CDCP1: variants seen among roughly 807,000 people sequenced by gnomAD.
The protein encoded by CDCP1 is CUB domain containing protein 1.
In CDCP1, 29 loss-of-function variants were observed where a neutral mutation model predicts 60.2. The ratio of observed to expected loss-of-function variants is 0.48; its 90% CI spans 0.36 to 0.66. The LOEUF is 0.66. CDCP1 is among the 30% of genes least tolerant of loss of function. The probability of loss-of-function intolerance (pLI) is 0.00; values close to 1 mark genes in which losing one functional copy is unlikely to be tolerated. For synonymous variants in CDCP1, 387 were observed against 431.1 expected (o/e 0.90, Z 1.27); for missense variants, 876 against 1,074.3 (o/e 0.82, Z 2.58).
In CDCP1 at chr3:45,093,461, G is replaced by T; in HGVS notation, c.1443C>A (p.Ser481Arg). The change falls in exon 6 of 9, where the codon AGC becomes AGA. Residue 481 changes from serine to arginine, a missense_variant. Physicochemically the swap from Ser to Arg is moderately radical, Grantham distance 110. Around this residue, in one of 2 missense-constraint regions of CDCP1, gnomAD observed 726 missense variants for 935.7 expected, o/e 0.78. Transcript: ENST00000296129. ...THEKPCNTSF[S>R]YLVASAIPSQ... ...TGGGTATGGCACTGGCCACGAGGTA[G>T]CTGAAGCTGGTGTTGCAGGGCTTCT... 6.2e-7 allele frequency: 1 copy of T among 1,614,100 alleles called. No individual in the cohort carries two copies.
chr3:45,106,704 T>G (rs368949394), intron 4 of CDCP1, among the ~76,000 whole-genome samples: 28 of 152,296 alleles, frequency 1.8e-4, no homozygotes, highest in East Asian at 1.7e-3. Flanking sequence ...CCTGGGGTAG[T>G]GGCTTTGGTC....
chr3:45,136,429 G>A (rs187202131), intron 1 of CDCP1, among the ~76,000 whole-genome samples: 7 of 152,326 alleles, frequency 4.6e-5, no homozygotes, highest in Middle Eastern at 3.4e-3. Flanking sequence ...AATTTGGGGC[G>A]ATGAAGCATT....
At chr3:45,095,671 T>C (rs1299575406) in intron 4 of CDCP1, 103 bp from the exon 5 acceptor site, 9 of 850,668 alleles carry the variant, frequency 1.1e-5, no homozygotes, top group African/African-American at 5.0e-5. Context: ...AAATGGCATA[T>C]CAGACCATGG....
intron 4 of CDCP1, among the ~76,000 whole-genome samples, chr3:45,097,653 AG>A (rs1207853974): frequency 6.6e-6 from 1 of 152,222 alleles, no homozygotes; most frequent in Non-Finnish European, 1.5e-5. Flanking sequence ...ATTTCCAAAA[AG>A]GCCTGCTAAA....
At position 45,118,343 on chromosome 3, in the gene CDCP1, G is replaced by C. The variant is rs1038189915; in HGVS notation, c.292+69C>G. 16 of 1,155,816 alleles carry C rather than the reference G, an allele frequency of 1.4e-5. No homozygotes were observed. In the African/African-American group the frequency reaches 1.8e-4, roughly 13 times the overall value. 71.6% of individuals were successfully genotyped at this position (1,155,816 alleles called of 1,614,324 possible). ...AGCATTAGAGACTGACTTAGCATGGGAAAGACAGTCAGGGAGGTGTAGAGA... is the reference window on the plus strand; with the variant it reads ...AGCATTAGAGACTGACTTAGCATGGCAAAGACAGTCAGGGAGGTGTAGAGA... On this transcript the variant is annotated intron_variant, in intron 2 of 8. Coordinates refer to ENST00000296129, the MANE Select transcript of CDCP1 (RefSeq NM_022842.5).
chr3:45,108,864 T>C (rs1484977789), intron 4 of CDCP1, among the ~76,000 whole-genome samples: 1 of 59,396 alleles, frequency 1.7e-5, no homozygotes, highest in Admixed American at 1.8e-4. Flanking sequence ...TATATATGCA[T>C]GTATATATAT....
intron 1 of CDCP1, among the ~76,000 whole-genome samples, chr3:45,134,360 G>A (rs978266269): frequency 3.9e-5 from 6 of 152,058 alleles, no homozygotes; most frequent in South Asian, 2.1e-4. Context: ...TCCTGACCTC[G>A]TGATCTCCCC....
intron 4 of CDCP1, among the ~76,000 whole-genome samples, chr3:45,107,614 C>T (rs1255378608): frequency 2.0e-5 from 3 of 152,180 alleles, no homozygotes; most frequent in Non-Finnish European, 2.9e-5. Flanking sequence ...TCACACTGTC[C>T]TCACAACACC....
rs779637766 is a variant in CDCP1 at position 45,112,227 on chromosome 3, C to G, written c.511G>C (p.Val171Leu). 1 of 1,614,078 alleles carries G rather than the reference C, an allele frequency of 6.2e-7. No homozygotes were observed. Among genetic ancestry groups the G allele is most frequent in the Admixed American group, 1.7e-5 (1 of 60,000 alleles). ...HSISGRIDAT[V>L]VRIGTFCSNG... ...CTGCAGAAGGTTCCGATCCTGACCACGGTGGCATCGATTCGGCCGCTGATG... is the reference window on the plus strand; with the variant it reads ...CTGCAGAAGGTTCCGATCCTGACCAGGGTGGCATCGATTCGGCCGCTGATG... Residue 171 changes from valine to leucine, a missense_variant, in exon 3 of 9, where the codon GTG (valine) becomes CTG (leucine). Coordinates refer to ENST00000296129, the MANE Select transcript of CDCP1 (RefSeq NM_022842.5).
chr3:45,145,094 C>A (rs2126011994), intron 1 of CDCP1, among the ~76,000 whole-genome samples: 1 of 152,220 alleles, frequency 6.6e-6, no homozygotes, highest in Middle Eastern at 3.4e-3. Flanking sequence ...GGAGAATGAA[C>A]CAGGAAGTAT....
chr3:45,098,931 T>G (rs1395940749), intron 4 of CDCP1, among the ~76,000 whole-genome samples: 1 of 152,234 alleles, frequency 6.6e-6, no homozygotes, highest in South Asian at 2.1e-4. Flanking sequence ...TTCAATAAAT[T>G]TGAAAACATT....
chr3:45,141,134 G>A (rs901453888), intron 1 of CDCP1, among the ~76,000 whole-genome samples: 5 of 152,084 alleles, frequency 3.3e-5, no homozygotes, highest in African/African-American at 7.2e-5. Flanking sequence ...CCAGGAGGTG[G>A]GGGTTGCAGT....
Position 45,091,178 on chromosome 3 carries a change from G to C in CDCP1, c.1988C>G (p.Thr663Ser). ...LLFSVTLTPR[T>S]VDLTVILIAA... The stretch of plus-strand genomic sequence containing the variant: ...AAGACCCTGAAGGCCCTTACCCACA[G>C]TCCTTGGGGTAAGTGTCACCGAGAA... Residue 663 changes from threonine (T) to serine (S), a missense_variant, in exon 7 of 9, where the codon ACT (threonine) becomes AGT (serine). Coordinates refer to ENST00000296129, the MANE Select transcript of CDCP1 (RefSeq NM_022842.5). This position sits in a 1 kb window ranked among gnomAD's most constrained non-coding sequence, Gnocchi z 4.8. The C allele has an allele frequency of 6.2e-7, 1 of 1,610,316 alleles. No homozygotes were observed. The highest frequency in any genetic ancestry group is 1.7e-5 in the Admixed American group (1 of 59,932).
Position 45,110,855 on chromosome 3 carries a change from A to C in CDCP1, c.656-14T>G, listed in dbSNP as rs1410674602. The C allele has an allele frequency of 6.3e-7, 1 of 1,598,618 alleles. No homozygotes were observed. The highest frequency in any genetic ancestry group is 8.5e-7 in the Non-Finnish European group (1 of 1,170,010). On this transcript the variant is annotated splice_polypyrimidine_tract_variant and intron_variant, in intron 3 of 8. Transcript: ENST00000296129. ...TGATGCACAGACCTAGTGGGAGTGG[A>C]ACCCAAACCAGAAAGAATAGGGAGC...
chr3:45,120,197 G>A (rs1239930743), intron 1 of CDCP1, among the ~76,000 whole-genome samples: 1 of 152,178 alleles, frequency 6.6e-6, no homozygotes, highest in African/African-American at 2.4e-5. Flanking sequence ...CCATGAGTGA[G>A]CATGCTGTAT....
chr3:45,088,186 T>C (rs1698232987), intron 8 of CDCP1, among the ~76,000 whole-genome samples: 1 of 152,120 alleles, frequency 6.6e-6, no homozygotes, highest in Non-Finnish European at 1.5e-5. Flanking sequence ...TTTCCTTTTA[T>C]AAAATAGAAG....
chr3:45,144,712 G>A (rs553543715), intron 1 of CDCP1, among the ~76,000 whole-genome samples: 97 of 152,284 alleles, frequency 6.4e-4, no homozygotes, highest in Middle Eastern at 3.4e-3. Flanking sequence ...AATTCCCAGA[G>A]TTTCAATACT....
intron 8 of CDCP1, among the ~76,000 whole-genome samples, chr3:45,087,925 G>A (rs865838523): frequency 1.3e-5 from 2 of 152,084 alleles, no homozygotes; most frequent in Non-Finnish European, 2.9e-5. Flanking sequence ...GGGAGGCTGA[G>A]GCAGGGGAAT....
intron 8 of CDCP1, among the ~76,000 whole-genome samples, chr3:45,086,608 G>T (rs966895012): frequency 6.6e-6 from 1 of 152,238 alleles, no homozygotes. Flanking sequence ...TTTTCAGTAT[G>T]AGCTGGGGAG....
Sources: allele counts gnomAD v4.1 joint callset (sites outside exome capture counted in the v4.1 genomes callset), GRCh38; gene constraint gnomAD v4.1.1; regional missense constraint gnomAD v4.1.1; non-coding constraint Gnocchi (gnomAD v3.1); transcripts MANE v1.5; gene names NCBI Gene and HGNC (gene_info 2026-07-23, HGNC 2026-07-21).